Variants in ERAP1 observed in about 807,000 individuals in gnomAD.
The protein encoded by ERAP1 is endoplasmic reticulum aminopeptidase 1.
In ERAP1, 86 loss-of-function variants were observed where a neutral mutation model predicts 103.7. That is an observed-to-expected ratio of 0.83 (90% confidence interval 0.70 to 0.99). The LOEUF (loss-of-function observed/expected upper bound fraction) is 0.99, where lower values mean the gene tolerates loss of function less well. Among genes scored for constraint, ERAP1 ranks in the 50% least tolerant of loss-of-function variants. The pLI is 0.00. For synonymous variants in ERAP1, 398 were observed against 402.4 expected (o/e 0.99, Z 0.13); for missense variants, 1,009 against 1,128.4 (o/e 0.89, Z 1.52).
intron 19 of ERAP1, chr5:96,767,856 G>A (rs759517420): frequency 9.1e-7 from 1 of 1,099,886 alleles, no homozygotes; most frequent in Non-Finnish European, 1.4e-6. Flanking sequence ...ACCCCATATT[G>A]CATTTTGCCT....
At chr5:96,815,845 ACT>A in the ERAP1 span, among the ~76,000 whole-genome samples, 1 of 152,138 alleles carries the variant, frequency 6.6e-6, no homozygotes, top group South Asian at 2.1e-4. Flanking sequence ...CCTGAGCCAC[ACT>A]CTGAAAAATT....
At chr5:96,915,027 G>C in the ERAP1 span, among the ~76,000 whole-genome samples, 1 of 150,898 alleles carries the variant, frequency 6.6e-6, no homozygotes, top group Middle Eastern at 3.4e-3. Context: ...TTTTTTTTGA[G>C]ACGGAGTTTC....
chr5:96,827,097 G>A, the ERAP1 span, among the ~76,000 whole-genome samples: 2 of 152,090 alleles, frequency 1.3e-5, no homozygotes, highest in Non-Finnish European at 2.9e-5. Flanking sequence ...AGAATTTTTT[G>A]GATCTGAGAC....
the ERAP1 span, among the ~76,000 whole-genome samples, chr5:96,866,908 G>T: frequency 2.6e-5 from 4 of 152,134 alleles, no homozygotes; most frequent in Non-Finnish European, 4.4e-5. Flanking sequence ...AACCAGCTAC[G>T]TTTCCTTGAT....
the ERAP1 span, among the ~76,000 whole-genome samples, chr5:96,851,169 T>C: frequency 6.6e-6 from 1 of 152,232 alleles, no homozygotes. Flanking sequence ...TAATTAGTGC[T>C]TCATAGTAAT....
chr5:96,786,904 C>G, intron 11 of ERAP1: 1 of 217,316 alleles, frequency 4.6e-6, no homozygotes, highest in Non-Finnish European at 9.3e-6. Context: ...CTTGGGATTC[C>G]TGTCAATGAT....
chr5:96,781,602 C>T (rs977124428), intron 16 of ERAP1, 91 bp downstream of exon 16: 4 of 1,545,830 alleles, frequency 2.6e-6, no homozygotes, highest in Admixed American at 3.3e-5. Flanking sequence ...ATAGGCAATT[C>T]CTGGCCAAGA....
upstream of ERAP1, among the ~76,000 whole-genome samples, chr5:96,811,107 T>A (rs188705408): frequency 8.1e-3 from 1,231 of 151,544 alleles, 8 homozygotes; most frequent in Non-Finnish European, 0.011. Flanking sequence ...AATGCCAATT[T>A]AAAAAAAAAT....
the ERAP1 span, chr5:96,886,670 C>A: frequency 6.5e-7 from 1 of 1,536,908 alleles, no homozygotes. Flanking sequence ...GACAATTGAA[C>A]TTGAAGGAGG....
chr5:96,761,287 CTTG>C (rs1767861252), exon 20 of ERAP1: 2 of 152,226 alleles, frequency 1.3e-5, no homozygotes, highest in South Asian at 4.2e-4. Context: ...CATTTGACAA[CTTG>C]TTATTCTTTT....
At chr5:96,787,865 CATATAT>C (rs537007290) in intron 11 of ERAP1, among the ~76,000 whole-genome samples, 7 of 147,024 alleles carry the variant, frequency 4.8e-5, no homozygotes, top group African/African-American at 7.5e-5. Flanking sequence ...CAAACATATA[CATATAT>C]ATATAGAGAG....
chr5:96,772,166 G>A (rs1229895491), downstream of ERAP1: 1 of 153,796 alleles, frequency 6.5e-6, no homozygotes, highest in Non-Finnish European at 1.5e-5. Context: ...CAAGGGCAAA[G>A]GAAAAGATTG....
the ERAP1 span, chr5:96,896,546 G>GAAA: frequency 0.52 from 823,432 of 1,592,544 alleles, 214,627 homozygotes; most frequent in Middle Eastern, 0.61. Flanking sequence ...GCTTTCAGAA[G>GAAA]TGTAATAATG....
At chr5:96,878,968 A>G in the ERAP1 span, among the ~76,000 whole-genome samples, 1 of 152,268 alleles carries the variant, frequency 6.6e-6, no homozygotes, top group African/African-American at 2.4e-5. Flanking sequence ...GGCTGGTCAC[A>G]GTGGCTCACG....
the ERAP1 span, among the ~76,000 whole-genome samples, chr5:96,888,717 C>T: frequency 1.3e-5 from 2 of 152,142 alleles, no homozygotes; most frequent in Non-Finnish European, 2.9e-5. Flanking sequence ...CATATTTGAG[C>T]ATTTCTTAGT....
chr5:96,913,606 C>A, the ERAP1 span: 1 of 869,802 alleles, frequency 1.1e-6, no homozygotes, highest in Non-Finnish European at 1.8e-6. Flanking sequence ...AACTCCCTAG[C>A]CCAAATTATC....
At chr5:96,912,083 G>A in the ERAP1 span, among the ~76,000 whole-genome samples, 1 of 149,994 alleles carries the variant, frequency 6.7e-6, no homozygotes, top group African/African-American at 2.4e-5. Context: ...CCAGCTACTC[G>A]GGAGGCTGAG....
the ERAP1 span, among the ~76,000 whole-genome samples, chr5:96,914,897 A>C: frequency 6.6e-6 from 1 of 151,964 alleles, no homozygotes; most frequent in East Asian, 1.9e-4. Context: ...ATATTGTTAT[A>C]AATTTATAAA....
chr5:96,903,538 C>T, the ERAP1 span: 1 of 1,604,860 alleles, frequency 6.2e-7, no homozygotes, highest in Non-Finnish European at 8.5e-7. Flanking sequence ...AGGTCTGATT[C>T]ATGATGTGTT....
Sources: allele counts gnomAD v4.1 joint callset (sites outside exome capture counted in the v4.1 genomes callset), GRCh38; gene constraint gnomAD v4.1.1; transcripts MANE v1.5; gene names NCBI Gene and HGNC (gene_info 2026-07-23, HGNC 2026-07-21).